The following DNAH6 variants were observed in gnomAD, a reference collection of about 807,000 sequenced individuals.
DNAH6 encodes the protein dynein axonemal heavy chain 6.
A neutral mutation model predicts 491.4 loss-of-function variants in DNAH6; 340 were observed. That is an observed-to-expected ratio of 0.69 (90% CI 0.63 to 0.76). The LOEUF (loss-of-function observed/expected upper bound fraction) is 0.76, where lower values mean the gene tolerates loss of function less well. DNAH6 is among the 30% of genes least tolerant of loss of function. DNAH6 has a pLI of 0.00. For missense variants in DNAH6, 4,443 were observed against 4,972.2 expected, an observed-to-expected ratio of 0.89 and a Z score of 3.20; for synonymous variants, 1,603 against 1,686.1, an observed-to-expected ratio of 0.95 and a Z score of 1.21.
chr2:84,745,233 G>C lies in DNAH6; in HGVS notation c.10496G>C (p.Cys3499Ser). Residue 3499 changes from cysteine (C) to serine (S), a missense_variant, in exon 63 of 77, where the codon TGT becomes TCT. This residue lies in a region of DNAH6 where 1,463 missense variants were observed against 1,656.6 expected (regional missense o/e 0.88). Transcript: ENST00000389394. ...SSFHKLILIK[C>S]CKEEKVVFAL... ...TTCCATAAGCTAATTCTTATTAAAT[G>C]TTGTAAAGAAGAAAAGGTAGGGCAT... The C allele has an allele frequency of 1.3e-6, 2 of 1,503,820 alleles. No homozygotes were observed. The highest frequency in any genetic ancestry group is 8.9e-7 in the Non-Finnish European group (1 of 1,128,744). 93.2% of individuals were successfully genotyped at this position (1,503,820 alleles called of 1,614,324 possible).
At chr2:84,666,433 T>C (rs1373674051) in intron 37 of DNAH6, among the ~76,000 whole-genome samples, 2 of 152,074 alleles carry the variant, frequency 1.3e-5, no homozygotes, top group Non-Finnish European at 2.9e-5. Flanking sequence ...TGTGCTAAAA[T>C]CACAAGCATT....
intron 2 of DNAH6, among the ~76,000 whole-genome samples, chr2:84,523,357 A>T (rs1052566492): frequency 1.3e-5 from 2 of 151,526 alleles, no homozygotes; most frequent in African/African-American, 2.4e-5. Flanking sequence ...TTCTTTATTA[A>T]TCTAGCTATT....
chr2:84,702,784 C>T (rs1453386050), intron 49 of DNAH6, among the ~76,000 whole-genome samples: 1 of 152,084 alleles, frequency 6.6e-6, no homozygotes, highest in Non-Finnish European at 1.5e-5. Context: ...GATCCGCCCA[C>T]CTCAGCCTCC....
intron 16 of DNAH6, among the ~76,000 whole-genome samples, chr2:84,589,647 G>A (rs1473233266): frequency 6.6e-6 from 1 of 150,478 alleles, no homozygotes; most frequent in Admixed American, 6.6e-5. Context: ...AGGAGGCGGA[G>A]GTTGCGGTGA....
intron 33 of DNAH6, among the ~76,000 whole-genome samples, chr2:84,644,257 ATCTGTTAAGC>A (rs1689690440): frequency 6.6e-6 from 1 of 151,924 alleles, no homozygotes; most frequent in African/African-American, 2.4e-5. Flanking sequence ...CCTCCCCCGG[ATCTGTTAAGC>A]TCTGACAAAA....
intron 47 of DNAH6, among the ~76,000 whole-genome samples, chr2:84,698,004 C>A (rs1695550453): frequency 6.6e-6 from 1 of 152,204 alleles, no homozygotes; most frequent in Non-Finnish European, 1.5e-5. Context: ...CCTCTTTAAG[C>A]ACCAGTTTAT....
chr2:84,485,111 TC>T, the DNAH6 span, among the ~76,000 whole-genome samples: 1 of 152,206 alleles, frequency 6.6e-6, no homozygotes, highest in Non-Finnish European at 1.5e-5. Context: ...CTCTCTAACC[TC>T]CTTTATTCTT....
chr2:84,794,995 G>T lies in DNAH6; in HGVS notation c.11240-1311G>T, dbSNP rs201388076. 6.9e-3 allele frequency among the ~76,000 whole-genome samples: 1,036 copies of T among 150,276 alleles called. 7 individuals carry two copies. The highest frequency in any genetic ancestry group is 0.012 in the Non-Finnish European group (783 of 67,546). The stretch of plus-strand genomic sequence containing the variant: ...CATATACACCATGGAATACTATGCA[G>T]CCATAAAAAATGATGAGTTCATGTC... On this transcript the variant is annotated intron_variant, in intron 68 of 76. Coordinates refer to ENST00000389394, the MANE Select transcript of DNAH6 (RefSeq NM_001370.2).
At position 84,549,784 on chromosome 2, in the gene DNAH6, G is replaced by C; in HGVS notation, c.1317-105G>C. ...ATATAATTAAATGGAAATTCAAGGA[G>C]AAATTATGATATTTTACATTTTAAA... On this transcript the variant is annotated intron_variant, in intron 8 of 76. Transcript: ENST00000389394. 9.0e-6 allele frequency: 7 copies of C among 778,120 alleles called. No homozygotes were observed. The South Asian group carries it at 1.6e-4, about 18-fold the overall frequency. 48.2% of individuals were successfully genotyped at this position (778,120 alleles called of 1,614,324 possible).
chr2:84,634,626 C>T lies in DNAH6; in HGVS notation c.4638C>T (p.Asn1546=), dbSNP rs542602804. ...CGCAGCAACTCATTACCATTAGGAACGCCAAAGCGGCAAAGGTAAGGCACT... is the reference window on the plus strand; with the variant it reads ...CGCAGCAACTCATTACCATTAGGAATGCCAAAGCGGCAAAGGTAAGGCACT... ...VIAQQLITIR[N]AKAAKLSRFM... is the part of the protein sequence containing the mutation. The change falls in exon 30 of 77, where the codon AAC becomes AAT. Residue 1546 remains asparagine (N), a synonymous_variant. Coordinates refer to ENST00000389394, the MANE Select transcript of DNAH6 (RefSeq NM_001370.2). The T allele has an allele frequency of 2.0e-4, 300 of 1,536,092 alleles. 1 individual carries two copies. The South Asian group carries it at 2.2e-3, about 11-fold the overall frequency.
rs539209926 is a variant in DNAH6 at position 84,596,638 on chromosome 2, G to A, written c.2868+849G>A. On this transcript the variant is annotated intron_variant, in intron 18 of 76. Transcript: ENST00000389394. ...GAGCCACTGCGCCTGGACAATTTTA[G>A]GGTATTTTTTTAAAGATGAAATAAA... Among the ~76,000 whole-genome samples, 40 of 146,310 alleles carry A rather than the reference G, an allele frequency of 2.7e-4. 1 individual carries two copies. The East Asian group carries it at 8.1e-3, about 30-fold the overall frequency.
chr2:84,707,157 A>T, intron 53 of DNAH6, 138 bp downstream of exon 53: 1 of 1,030,530 alleles, frequency 9.7e-7, no homozygotes, highest in Non-Finnish European at 1.4e-6. Context: ...TCAAATAAGA[A>T]CTCATGTGTT....
chr2:84,689,269 A>G (rs1013298845), intron 45 of DNAH6, among the ~76,000 whole-genome samples: 9 of 152,174 alleles, frequency 5.9e-5, no homozygotes, highest in African/African-American at 2.2e-4. Flanking sequence ...TGGTACAACA[A>G]TCTCTCTATA....
intron 35 of DNAH6, 115 bp from the exon 36 acceptor site, chr2:84,658,177 C>A: frequency 3.1e-6 from 2 of 640,706 alleles, no homozygotes; most frequent in South Asian, 3.2e-5. Flanking sequence ...TAGTTATAGC[C>A]TTTGGTCTAA....
intron 40 of DNAH6, 79 bp downstream of exon 40, chr2:84,672,563 C>T: frequency 2.3e-6 from 3 of 1,314,948 alleles, no homozygotes; most frequent in Non-Finnish European, 3.1e-6. Context: ...GTGAGACTAC[C>T]ATAACAAAGT....
intron 10 of DNAH6, among the ~76,000 whole-genome samples, chr2:84,553,579 C>G (rs903026871): frequency 6.6e-6 from 1 of 151,202 alleles, no homozygotes; most frequent in Non-Finnish European, 1.5e-5. Context: ...CCTCTCACCT[C>G]AGCCTCCTGA....
chr2:84,798,899 G>A (rs1026349263), intron 70 of DNAH6, among the ~76,000 whole-genome samples: 2 of 152,124 alleles, frequency 1.3e-5, no homozygotes, highest in Admixed American at 6.5e-5. Context: ...GATATCTGTG[G>A]CCTGAGCTCG....
At chr2:84,688,089 G>A (rs955120815) in intron 44 of DNAH6, among the ~76,000 whole-genome samples, 1 of 151,908 alleles carries the variant, frequency 6.6e-6, no homozygotes, top group Admixed American at 6.6e-5. Context: ...ACAAAAATAA[G>A]CTGGGCGTGG....
At chr2:84,482,141 C>T in the DNAH6 span, among the ~76,000 whole-genome samples, 2 of 152,216 alleles carry the variant, frequency 1.3e-5, no homozygotes, top group Admixed American at 1.3e-4. Context: ...CATATGCAAA[C>T]ACCTTCACAG....
Sources: gnomAD v4.1 joint callset for allele counts (sites outside exome capture counted in the v4.1 genomes callset) on GRCh38, gnomAD v4.1.1 for gene constraint, gnomAD v4.1.1 regional missense constraint, MANE v1.5 for transcripts, NCBI Gene and HGNC (gene_info 2026-07-23, HGNC 2026-07-21) for gene names.